AKAP19: variants seen among roughly 807,000 people sequenced by gnomAD.
AKAP19 encodes the protein A-kinase anchoring protein 19, also known as small A-kinase anchoring protein.
the AKAP19 span, among the ~76,000 whole-genome samples, chr2:189,935,972 A>G: frequency 6.6e-6 from 1 of 152,126 alleles, no homozygotes; most frequent in Non-Finnish European, 1.5e-5. Context: ...TTTACAGAAG[A>G]CAGAACAGTT....
At chr2:190,060,295 G>T in the AKAP19 span, 1 of 1,612,918 alleles carries the variant, frequency 6.2e-7, no homozygotes, top group African/African-American at 1.3e-5. Flanking sequence ...CTCAGGATTT[G>T]CACAAACACT....
chr2:189,975,776 G>A, the AKAP19 span, among the ~76,000 whole-genome samples: 11 of 151,904 alleles, frequency 7.2e-5, no homozygotes, highest in Admixed American at 4.6e-4. Context: ...TGATCGAATC[G>A]GCTACTGAAG....
chr2:190,080,339 C>T, the AKAP19 span, among the ~76,000 whole-genome samples: 1 of 152,158 alleles, frequency 6.6e-6, no homozygotes, highest in African/African-American at 2.4e-5. Context: ...GTGGGGGAGA[C>T]AGACTTGTAA....
At chr2:190,029,268 T>C in the AKAP19 span, among the ~76,000 whole-genome samples, 3 of 152,112 alleles carry the variant, frequency 2.0e-5, no homozygotes, top group African/African-American at 4.8e-5. Flanking sequence ...GTCAGGCTGG[T>C]CTTAAACTCC....
the AKAP19 span, among the ~76,000 whole-genome samples, chr2:189,979,694 AG>A: frequency 6.6e-6 from 1 of 152,212 alleles, no homozygotes; most frequent in Non-Finnish European, 1.5e-5. Flanking sequence ...AGTAATACTT[AG>A]AATCTATAAG....
chr2:190,154,231 T>C, the AKAP19 span, among the ~76,000 whole-genome samples: 1 of 152,248 alleles, frequency 6.6e-6, no homozygotes, highest in Non-Finnish European at 1.5e-5. Flanking sequence ...GGAAAAATCA[T>C]TTGTTTCATC....
At chr2:190,180,874 C>G in the AKAP19 span, 1 of 985,268 alleles carries the variant, frequency 1.0e-6, no homozygotes, top group Non-Finnish European at 1.2e-6. This position sits in a 1 kb window ranked among gnomAD's most constrained non-coding sequence, Gnocchi z 6.8. Context: ...CATGCTGCCA[C>G]TTGGCTGAGC....
the AKAP19 span, among the ~76,000 whole-genome samples, chr2:190,085,012 C>A: frequency 6.6e-6 from 1 of 152,174 alleles, no homozygotes; most frequent in South Asian, 2.1e-4. Flanking sequence ...TGCTGCCAAC[C>A]ATTTCCCAAA....
chr2:190,061,170 T>C, the AKAP19 span, among the ~76,000 whole-genome samples: 1 of 152,154 alleles, frequency 6.6e-6, no homozygotes, highest in East Asian at 1.9e-4. Flanking sequence ...GAGTCTTAAA[T>C]GGAAATTCTT....
the AKAP19 span, among the ~76,000 whole-genome samples, chr2:190,090,022 T>A: frequency 6.6e-6 from 1 of 151,954 alleles, no homozygotes; most frequent in Non-Finnish European, 1.5e-5. Context: ...CCCAAACTAC[T>A]CTACTTAACC....
chr2:190,109,155 A>T, the AKAP19 span, among the ~76,000 whole-genome samples: 1 of 152,232 alleles, frequency 6.6e-6, no homozygotes, highest in Non-Finnish European at 1.5e-5. Flanking sequence ...GTAAGCTATA[A>T]TTCCAACTCT....
At chr2:189,923,245 G>A in the AKAP19 span, 86 of 1,328,042 alleles carry the variant, frequency 6.5e-5, no homozygotes, top group Non-Finnish European at 8.2e-5. Context: ...GCTTCTCTAC[G>A]CAGAACCCGG....
At chr2:189,949,734 T>A in the AKAP19 span, among the ~76,000 whole-genome samples, 1 of 148,262 alleles carries the variant, frequency 6.7e-6, no homozygotes, top group African/African-American at 2.5e-5. Context: ...CGGGTTAAAG[T>A]GATTCTCCTG....
At chr2:190,171,974 C>A in the AKAP19 span, among the ~76,000 whole-genome samples, 1 of 152,164 alleles carries the variant, frequency 6.6e-6, no homozygotes, top group Non-Finnish European at 1.5e-5. Flanking sequence ...ATTTTTACAT[C>A]ATTTTTACAA....
At chr2:190,195,497 C>T in the AKAP19 span, among the ~76,000 whole-genome samples, 1 of 152,174 alleles carries the variant, frequency 6.6e-6, no homozygotes, top group African/African-American at 2.4e-5. Flanking sequence ...ATTTACAATT[C>T]CTGAATGACA....
At chr2:190,150,598 G>A in the AKAP19 span, 5 of 154,288 alleles carry the variant, frequency 3.2e-5, no homozygotes, top group African/African-American at 1.2e-4. Flanking sequence ...ACTTCCTTCA[G>A]AGGGTGTGTG....
At chr2:190,115,284 T>C in the AKAP19 span, among the ~76,000 whole-genome samples, 1 of 7,476 alleles carries the variant, frequency 1.3e-4, no homozygotes, top group Non-Finnish European at 3.0e-4. Flanking sequence ...TATATATATA[T>C]ATATATATAT....
chr2:190,143,090 AG>A, the AKAP19 span, among the ~76,000 whole-genome samples: 4 of 152,066 alleles, frequency 2.6e-5, no homozygotes, highest in Admixed American at 2.6e-4. Flanking sequence ...CCATATAATA[AG>A]GTCCTATTTG....
chr2:190,039,981 C>T, the AKAP19 span, among the ~76,000 whole-genome samples: 1 of 152,132 alleles, frequency 6.6e-6, no homozygotes, highest in African/African-American at 2.4e-5. Context: ...CTGCAATGAA[C>T]ATTTGCATGC....
Sources: gnomAD v4.1 joint callset for allele counts (sites outside exome capture counted in the v4.1 genomes callset) on GRCh38, gnomAD v4.1.1 for gene constraint, Gnocchi (gnomAD v3.1) non-coding constraint, MANE v1.5 for transcripts, NCBI Gene and HGNC (gene_info 2026-07-23, HGNC 2026-07-21) for gene names.